ATRIP: variants seen among roughly 807,000 people sequenced by gnomAD.
ATRIP encodes ATR-interacting protein.
Under a neutral mutation model 78.1 loss-of-function variants are expected in ATRIP, and 44 were observed. The observed-to-expected ratio is 0.56, with a 90% CI of 0.44 to 0.72. The LOEUF (loss-of-function observed/expected upper bound fraction) is 0.72. ATRIP is among the 30% of genes least tolerant of loss of function. The pLI is 0.00. For synonymous variants in ATRIP, 388 were observed against 408.9 expected (o/e 0.95, Z 0.62); for missense variants, 927 against 980.2 (o/e 0.95, Z 0.72).
Position 48,465,896 on chromosome 3 carries a change from C to A in ATRIP, c.*342C>A. On this transcript the variant is annotated 3_prime_UTR_variant, in exon 13 of 13. Coordinates refer to ENST00000320211, the MANE Select transcript of ATRIP (RefSeq NM_130384.3). ...TGGCAGGGAAGGAGGTGGCTCTTGG[C>A]CCAGGCCTAAACCAGGAAAGCCTGG... is the stretch of plus-strand genomic sequence containing the variant. 3.2e-6 allele frequency: 1 copy of A among 312,328 alleles called. No homozygotes were observed. Among genetic ancestry groups the A allele is most frequent in the South Asian group, 3.0e-5 (1 of 32,892 alleles). 19.3% of individuals were successfully genotyped at this position (312,328 alleles called of 1,614,324 possible).
chr3:48,455,920 A>G (rs1284913838), intron 4 of ATRIP, among the ~76,000 whole-genome samples: 1 of 151,924 alleles, frequency 6.6e-6, no homozygotes, highest in Non-Finnish European at 1.5e-5. Context: ...CAGTAGTTCA[A>G]GACCAACCTG....
chr3:48,455,075 C>A (rs968577864), intron 4 of ATRIP, among the ~76,000 whole-genome samples: 1 of 152,102 alleles, frequency 6.6e-6, no homozygotes, highest in African/African-American at 2.4e-5. Flanking sequence ...GTTGGCCAGG[C>A]TCGTCTCAAA....
chr3:48,456,570 C>T (rs1310149644), intron 4 of ATRIP, among the ~76,000 whole-genome samples: 1 of 143,538 alleles, frequency 7.0e-6, no homozygotes, highest in Non-Finnish European at 1.5e-5. Context: ...TGGGCTCCAG[C>T]ATGGGCAACA....
At position 48,467,390 on chromosome 3, in the gene ATRIP, A is replaced by G. The variant is rs761555436; in HGVS notation, c.*1836A>G. 1 of 1,614,172 alleles carries G rather than the reference A, an allele frequency of 6.2e-7. No individual in the cohort carries two copies. The highest frequency in any genetic ancestry group is 8.5e-7 in the Non-Finnish European group (1 of 1,180,018). Reference sequence around the variant, plus strand: ...CCTCTGCTAGGACCAAGCCAAGACCATCTGCTGTCACAACCACTGCACACC... The same window carrying G: ...CCTCTGCTAGGACCAAGCCAAGACCGTCTGCTGTCACAACCACTGCACACC... On this transcript the variant is annotated 3_prime_UTR_variant, in exon 13 of 13. Coordinates refer to ENST00000320211, the MANE Select transcript of ATRIP (RefSeq NM_130384.3).
intron 1 of ATRIP, chr3:48,447,551 A>G: frequency 1.0e-6 from 1 of 986,092 alleles, no homozygotes; most frequent in Non-Finnish European, 1.2e-6. Flanking sequence ...TTATTCTTTT[A>G]TACAACCAGT....
At chr3:48,455,204 G>A (rs541839011) in intron 4 of ATRIP, among the ~76,000 whole-genome samples, 2 of 152,230 alleles carry the variant, frequency 1.3e-5, no homozygotes, top group Admixed American at 6.5e-5. Context: ...GCATCTTCTG[G>A]TTTTGAACTT....
intron 1 of ATRIP, among the ~76,000 whole-genome samples, chr3:48,448,537 C>T (rs1270449813): frequency 6.6e-6 from 1 of 152,238 alleles, no homozygotes; most frequent in Non-Finnish European, 1.5e-5. Flanking sequence ...AGTGTGAAGA[C>T]CAGAATCCTT....
In ATRIP at chr3:48,465,819, A is replaced by C; in HGVS notation, c.*265A>C. ...GGAAGGAGCCCTGCCCTGCCTGTGG[A>C]ATTGTCCTGAGTCATTGCTTTGGGC... On this transcript the variant is annotated 3_prime_UTR_variant, in exon 13 of 13. Transcript: ENST00000320211. 4.6e-6 allele frequency: 2 copies of C among 434,964 alleles called. No individual in the cohort carries two copies. The highest frequency in any genetic ancestry group is 2.2e-5 in the South Asian group (1 of 45,854). The allele number at this position is 434,964 out of a possible 1,614,324, so 26.9% of individuals were successfully genotyped here.
Position 48,466,768 on chromosome 3 carries a change from C to T in ATRIP, c.*1214C>T, listed in dbSNP as rs2040326850. 1 of 1,613,988 alleles carries T rather than the reference C, an allele frequency of 6.2e-7. No individual in the cohort carries two copies. Among genetic ancestry groups the T allele is most frequent in the Non-Finnish European group, 8.5e-7 (1 of 1,180,034 alleles). On this transcript the variant is annotated 3_prime_UTR_variant, in exon 13 of 13. Coordinates refer to ENST00000320211, the MANE Select transcript of ATRIP (RefSeq NM_130384.3). Reference sequence around the variant, plus strand: ...AAGGTCACGGAGCTGTGCCTGCTGGCTGTCCACAGATGTGCCCTGGAGAGC... The same window carrying T: ...AAGGTCACGGAGCTGTGCCTGCTGGTTGTCCACAGATGTGCCCTGGAGAGC...
chr3:48,464,971 GA>G lies in ATRIP; in HGVS notation c.2198del (p.Lys733ArgfsTer6). Reference protein sequence around the residue: ...TVLLLHGLSQKDKLFMMHCVE... With the variant: ...TVLLLHGLSQXDKLFMMHCVE... ...TGCTGCTGCTGCACGGCCTATCGCA[GA>G]AGGACAAGCTCTTCATGATGCACTG... On this transcript the variant is annotated frameshift_variant, in exon 12 of 13. Coordinates refer to ENST00000320211, the MANE Select transcript of ATRIP (RefSeq NM_130384.3). LOFTEE classifies it high-confidence loss of function. 6.2e-7 allele frequency: 1 copy of G among 1,614,220 alleles called. No homozygotes were observed. Among genetic ancestry groups the G allele is most frequent in the South Asian group, 1.1e-5 (1 of 91,090 alleles).
rs2040382167 is a variant in ATRIP at position 48,467,472 on chromosome 3, C to G, written c.*1918C>G. 2 of 1,614,192 alleles carry G rather than the reference C, an allele frequency of 1.2e-6. No homozygotes were observed. The highest frequency in any genetic ancestry group is 3.3e-4 in the Middle Eastern group (2 of 6,062). On this transcript the variant is annotated 3_prime_UTR_variant, in exon 13 of 13. Coordinates refer to ENST00000320211, the MANE Select transcript of ATRIP (RefSeq NM_130384.3). ...TGGAGAGAGCAGGGGTACCAAGGATCTTCCTCCAGTGAAGGACCCTGGAGC... is the reference window on the plus strand; with the variant it reads ...TGGAGAGAGCAGGGGTACCAAGGATGTTCCTCCAGTGAAGGACCCTGGAGC...
At position 48,466,731 on chromosome 3, in the gene ATRIP, T is replaced by C. The variant is rs772753856; in HGVS notation, c.*1177T>C. On this transcript the variant is annotated 3_prime_UTR_variant, in exon 13 of 13. Transcript: ENST00000320211. The stretch of plus-strand genomic sequence containing the variant: ...CGACATGGAGGCCACTGGCTTGCCC[T>C]TCTCCCAGCCCAAGGTCACGGAGCT... 6.2e-7 allele frequency: 1 copy of C among 1,613,974 alleles called. No individual in the cohort carries two copies. Among genetic ancestry groups the C allele is most frequent in the South Asian group, 1.1e-5 (1 of 91,082 alleles).
In ATRIP at chr3:48,466,137, A is replaced by C; in HGVS notation, c.*583A>C. Reference sequence around the variant, plus strand: ...GAGCAGGGGAGTGGGTGTGGGGGGGAACGGATGGTGGTGAGAGGGACAGAC... The same window carrying C: ...GAGCAGGGGAGTGGGTGTGGGGGGGCACGGATGGTGGTGAGAGGGACAGAC... On this transcript the variant is annotated 3_prime_UTR_variant, in exon 13 of 13. Transcript: ENST00000320211. 1 of 416,990 alleles carries C rather than the reference A, an allele frequency of 2.4e-6. No homozygotes were observed. The highest frequency in any genetic ancestry group is 2.0e-5 in the African/African-American group (1 of 49,056). The allele number at this position is 416,990 out of a possible 1,614,324, so 25.8% of individuals were successfully genotyped here.
In ATRIP at chr3:48,465,995, G is replaced by T. The variant is rs1421926275; in HGVS notation, c.*441G>T. ...CAGCAGTGTGTAAGACCGGGAGCTG[G>T]TCTGGCACCACTGCCCTGGTCCTTC... On this transcript the variant is annotated 3_prime_UTR_variant, in exon 13 of 13. Coordinates refer to ENST00000320211, the MANE Select transcript of ATRIP (RefSeq NM_130384.3). 1 of 302,610 alleles carries T rather than the reference G, an allele frequency of 3.3e-6. No homozygotes were observed. The highest frequency in any genetic ancestry group is 6.5e-6 in the Non-Finnish European group (1 of 154,740). 18.7% of individuals were successfully genotyped at this position (302,610 alleles called of 1,614,324 possible).
At position 48,463,804 on chromosome 3, in the gene ATRIP, G is replaced by C; in HGVS notation, c.1805G>C (p.Ser602Thr). 6.2e-7 allele frequency: 1 copy of C among 1,614,140 alleles called. No homozygotes were observed. Reference sequence around the variant, plus strand: ...CTCAGCCCAGAGACACCCCTGCCTAGCGTGCTGCTGGCTGTTGAGCTCCTC... The same window carrying C: ...CTCAGCCCAGAGACACCCCTGCCTACCGTGCTGCTGGCTGTTGAGCTCCTC... Reference protein sequence around the residue: ...KCLSPETPLPSVLLAVELLSL... With the variant: ...KCLSPETPLPTVLLAVELLSL... Residue 602 changes from serine to threonine, a missense_variant, in exon 9 of 13, where the codon AGC becomes ACC. Physicochemically the swap from Ser to Thr is moderately conservative, Grantham distance 58. Transcript: ENST00000320211.
intron 2 of ATRIP, chr3:48,450,465 T>G: frequency 1.6e-6 from 2 of 1,250,530 alleles, no homozygotes; most frequent in Non-Finnish European, 2.1e-6. Context: ...TAATACAACT[T>G]CATAATGGTT....
chr3:48,464,701 T>A (rs1553819090), intron 11 of ATRIP, 39 bp downstream of exon 11: 2 of 1,613,608 alleles, frequency 1.2e-6, no homozygotes, highest in East Asian at 4.5e-5. Flanking sequence ...GCTCTGGTGG[T>A]AAGGGGGCCC....
Position 48,466,494 on chromosome 3 carries a change from G to A in ATRIP, c.*940G>A, listed in dbSNP as rs372665199. 3 of 1,613,870 alleles carry A rather than the reference G, an allele frequency of 1.9e-6. No individual in the cohort carries two copies. In the African/African-American group the frequency reaches 4.0e-5, roughly 22 times the overall value. On this transcript the variant is annotated 3_prime_UTR_variant, in exon 13 of 13. Transcript: ENST00000320211. ...CTCTCCAACTTCCTGCCTGAAAATG[G>A]GCCCTGGAGCTCGCAGACAGGGCAG...
chr3:48,457,290 CCAGAAG>C lies in ATRIP; in HGVS notation c.706_711del (p.Glu236_Ala237del), dbSNP rs745971778. 6.3e-7 allele frequency: 1 copy of C among 1,598,146 alleles called. No homozygotes were observed. Among genetic ancestry groups the C allele is most frequent in the Admixed American group, 1.7e-5 (1 of 57,266 alleles). ...GAAAAACCCTTCTGTGGTTATAAAGCCAGAAGCATGTTCTCCACAATTTGGAAAAAC... is the reference window on the plus strand; with the variant it reads ...GAAAAACCCTTCTGTGGTTATAAAGCCATGTTCTCCACAATTTGGAAAAAC... On this transcript the variant is annotated inframe_deletion, in exon 5 of 13. Transcript: ENST00000320211.
Sources: allele counts gnomAD v4.1 joint callset (sites outside exome capture counted in the v4.1 genomes callset), GRCh38; gene constraint gnomAD v4.1.1; transcripts MANE v1.5; gene names NCBI Gene and HGNC (gene_info 2026-07-23, HGNC 2026-07-21).